WDR64: variants seen among roughly 807,000 people sequenced by gnomAD.
The protein encoded by WDR64 is WD repeat-containing protein 64.
In WDR64, 112 loss-of-function variants were observed where a neutral mutation model predicts 139.3. The observed-to-expected ratio is 0.80, with a 90% confidence interval of 0.69 to 0.94. WDR64 has a LOEUF of 0.94. Among genes scored for constraint, WDR64 ranks in the 40% least tolerant of loss-of-function variants. WDR64 has a pLI of 0.00. For synonymous variants in WDR64, 444 were observed against 437.7 expected (o/e 1.01, Z -0.18); for missense variants, 1,206 against 1,293.1 (o/e 0.93, Z 1.03).
intron 16 of WDR64, among the ~76,000 whole-genome samples, chr1:241,768,280 G>A (rs562588575): frequency 1.3e-5 from 2 of 152,306 alleles, no homozygotes; most frequent in South Asian, 4.1e-4. Flanking sequence ...TTTATAATCA[G>A]TGCAGTATTT....
intron 27 of WDR64, among the ~76,000 whole-genome samples, chr1:241,797,533 T>C (rs1659401642): frequency 6.6e-6 from 1 of 152,198 alleles, no homozygotes; most frequent in African/African-American, 2.4e-5. Context: ...AACTCAGTAA[T>C]ACATAACAAA....
At chr1:241,769,321 C>G in intron 16 of WDR64, 83 bp from the exon 17 acceptor site, 1 of 1,060,950 alleles carries the variant, frequency 9.4e-7, no homozygotes, top group East Asian at 2.6e-5. Context: ...AATTGCCTAG[C>G]TCTGCAGAGG....
At chr1:241,658,638 CAAA>C (rs56278786) in intron 1 of WDR64, among the ~76,000 whole-genome samples, 3,765 of 83,700 alleles carry the variant, frequency 0.045, 98 homozygotes, top group South Asian at 0.14. Flanking sequence ...GATCCTGTCT[CAAA>C]AAAAAAAAAA....
chr1:241,734,241 C>T (rs745413487), intron 10 of WDR64, among the ~76,000 whole-genome samples: 43 of 152,076 alleles, frequency 2.8e-4, no homozygotes, highest in Non-Finnish European at 5.4e-4. Flanking sequence ...CAATGTACAT[C>T]TTACATATAT....
At position 241,801,289 on chromosome 1, in the gene WDR64, T is replaced by C; in HGVS notation, c.*74T>C. ...ATGATACCTGCTCTTTATTTCAGGATGAGAGGGAGAAACCACCAGACACTA... is the reference window on the plus strand; with the variant it reads ...ATGATACCTGCTCTTTATTTCAGGACGAGAGGGAGAAACCACCAGACACTA... On this transcript the variant is annotated 3_prime_UTR_variant, in exon 28 of 28. Coordinates refer to ENST00000437684, the MANE Select transcript of WDR64 (RefSeq NM_001367482.1). The C allele has an allele frequency of 7.6e-7, 1 of 1,314,054 alleles. No individual in the cohort carries two copies. The allele number at this position is 1,314,054 out of a possible 1,614,324, so 81.4% of individuals were successfully genotyped here. A position where few individuals can be genotyped will look rare whatever the true frequency, so the allele number is the denominator to read the frequency against.
Position 241,687,477 on chromosome 1 carries a change from C to T in WDR64, c.856C>T (p.His286Tyr), listed in dbSNP as rs1667052010. 1 of 1,613,784 alleles carries T rather than the reference C, an allele frequency of 6.2e-7. No homozygotes were observed. The highest frequency in any genetic ancestry group is 1.3e-5 in the African/African-American group (1 of 74,906). Reference protein sequence around the residue: ...KNFKSVKRKLHNDWVMKIRYI... With the variant: ...KNFKSVKRKLYNDWVMKIRYI... The stretch of plus-strand genomic sequence containing the variant: ...AATCCCCAGTGTTAAAAGGAAGCTA[C>T]ATAATGACTGGGTTATGAAAATTAG... Residue 286 changes from histidine (H) to tyrosine (Y), a missense_variant, in exon 8 of 28, where the codon CAT (histidine) becomes TAT (tyrosine). His to Tyr is a moderately conservative substitution (Grantham distance 83, BLOSUM62 2). Coordinates refer to ENST00000437684, the MANE Select transcript of WDR64 (RefSeq NM_001367482.1).
chr1:241,769,560 C>A, intron 17 of WDR64, 55 bp downstream of exon 17: 1 of 1,435,166 alleles, frequency 7.0e-7, no homozygotes, highest in Non-Finnish European at 9.5e-7. Context: ...GTGGCTGATA[C>A]ATTAGGTTGA....
At chr1:241,671,948 A>G (rs1666246834) in intron 3 of WDR64, among the ~76,000 whole-genome samples, 2 of 152,006 alleles carry the variant, frequency 1.3e-5, no homozygotes. Context: ...TCAAGGGGGG[A>G]TGGATCACCT....
intron 10 of WDR64, among the ~76,000 whole-genome samples, chr1:241,733,479 A>AAAAAGAAAAG (rs886547853): frequency 6.7e-6 from 1 of 149,406 alleles, no homozygotes; most frequent in African/African-American, 2.6e-5. Context: ...CTGTCTCAAA[A>AAAAAGAAAAG]AAAAGAAAAG....
chr1:241,766,059 A>C (rs1287454096), intron 15 of WDR64, among the ~76,000 whole-genome samples, 159 bp from the exon 16 acceptor site: 2 of 152,204 alleles, frequency 1.3e-5, no homozygotes, highest in Non-Finnish European at 2.9e-5. Flanking sequence ...TTAGTGCAAG[A>C]AAAATAAGAT....
chr1:241,732,923 G>A (rs958669227), intron 10 of WDR64, among the ~76,000 whole-genome samples: 26 of 152,012 alleles, frequency 1.7e-4, no homozygotes, highest in African/African-American at 5.6e-4. Context: ...AAGAAATGCC[G>A]GGAAATACAG....
chr1:241,788,687 G>T (rs907824622), intron 24 of WDR64, among the ~76,000 whole-genome samples: 2 of 152,174 alleles, frequency 1.3e-5, no homozygotes, highest in African/African-American at 4.8e-5. Context: ...GTTCTAAATA[G>T]GAATTGAAGC....
chr1:241,658,297 G>GTGTGTC (rs1315664683), intron 1 of WDR64, among the ~76,000 whole-genome samples: 3 of 151,456 alleles, frequency 2.0e-5, no homozygotes, highest in African/African-American at 7.3e-5. Context: ...GTGTGTGTGT[G>GTGTGTC]TGTGTGTGTG....
chr1:241,759,055 T>C (rs917905151), intron 15 of WDR64, among the ~76,000 whole-genome samples: 2 of 152,152 alleles, frequency 1.3e-5, no homozygotes, highest in African/African-American at 4.8e-5. Context: ...ACAAGCATCA[T>C]TACTTATTTG....
At position 241,684,229 on chromosome 1, in the gene WDR64, A is replaced by T. The variant is rs931592533; in HGVS notation, c.839+528A>T. On this transcript the variant is annotated intron_variant, in intron 7 of 27. Coordinates refer to ENST00000437684, the MANE Select transcript of WDR64 (RefSeq NM_001367482.1). ...GACAAATATGACAGACAATGGGTTG[A>T]TATTTTTAACAGGTCTTAGAGTTCA... Among the ~76,000 whole-genome samples, 11 of 152,226 alleles carry T rather than the reference A, an allele frequency of 7.2e-5. No homozygotes were observed. In the East Asian group the frequency reaches 7.7e-4, roughly 11 times the overall value.
chr1:241,681,233 T>C (rs1303607510), intron 6 of WDR64, among the ~76,000 whole-genome samples: 1 of 152,194 alleles, frequency 6.6e-6, no homozygotes, highest in East Asian at 1.9e-4. Flanking sequence ...AAGCAGTATG[T>C]ACTGAACCCA....
At chr1:241,706,700 C>T (rs1041712968) in intron 8 of WDR64, among the ~76,000 whole-genome samples, 8 of 152,176 alleles carry the variant, frequency 5.3e-5, no homozygotes, top group African/African-American at 1.7e-4. Context: ...GATAATACTA[C>T]CTGCTCTTCC....
chr1:241,774,760 A>G (rs1043887987), intron 20 of WDR64, among the ~76,000 whole-genome samples: 1 of 152,192 alleles, frequency 6.6e-6, no homozygotes, highest in Non-Finnish European at 1.5e-5. Context: ...ATTAAAAAAA[A>G]GAAATAAAAA....
intron 6 of WDR64, among the ~76,000 whole-genome samples, chr1:241,681,980 T>G (rs1032086929): frequency 1.3e-5 from 2 of 151,912 alleles, no homozygotes; most frequent in African/African-American, 4.8e-5. Flanking sequence ...AGATTGTTTG[T>G]TTTTTTTCTC....
Sources: gnomAD v4.1 joint callset for allele counts (sites outside exome capture counted in the v4.1 genomes callset) on GRCh38, gnomAD v4.1.1 for gene constraint, MANE v1.5 for transcripts, NCBI Gene and HGNC (gene_info 2026-07-23, HGNC 2026-07-21) for gene names.